ERRFI1: variants seen among roughly 807,000 people sequenced by gnomAD.
ERRFI1 encodes the protein ERBB receptor feedback inhibitor 1, also known as mitogen-inducible gene 6 protein.
Under a neutral mutation model 14.6 loss-of-function variants are expected in ERRFI1, and 12 were observed. The observed-to-expected ratio is 0.82, with a 90% CI of 0.53 to 1.33. The LOEUF (loss-of-function observed/expected upper bound fraction) is 1.33. Among genes scored for constraint, ERRFI1 ranks in the 40% most tolerant of loss-of-function variants. The probability of loss-of-function intolerance (pLI) is 0.00; values close to 1 mark genes in which losing one functional copy is unlikely to be tolerated. For missense variants in ERRFI1, 482 were observed against 572.1 expected, an observed-to-expected ratio of 0.84 and a Z score of 1.61; for synonymous variants, 202 against 209.9, an observed-to-expected ratio of 0.96 and a Z score of 0.32.
chr1:8,015,177 C>A (rs1641154964), intron 3 of ERRFI1, 131 bp downstream of exon 3: 1 of 745,852 alleles, frequency 1.3e-6, no homozygotes. Context: ...TCTGTTGCCA[C>A]TAGGGGTCAG....
At chr1:8,025,820 C>T (rs1177606144) in intron 1 of ERRFI1, among the ~76,000 whole-genome samples, 4 of 152,266 alleles carry the variant, frequency 2.6e-5, no homozygotes, top group South Asian at 4.1e-4. Context: ...CCCGGGCGCT[C>T]GGGTGCATGG....
rs769138986 is a variant in ERRFI1, at chr1:8,013,882, T to C, written c.717A>G (p.Pro239=). Residue 239 remains proline, a synonymous_variant, in exon 4 of 4, where the codon CCA becomes CCG. Coordinates refer to ENST00000377482, the MANE Select transcript of ERRFI1 (RefSeq NM_018948.4). This position sits in a 1 kb window ranked among gnomAD's most constrained non-coding sequence, Gnocchi z 4.3. ...NGGVPDPNPP[P]PQTHRRLRRS... ...TTCTTAATCTTCGGTGGGTCTGAGG[T>C]GGAGGAGGATTTGGATCTGGGACAC... is the stretch of plus-strand genomic sequence containing the variant. 3.5e-5 allele frequency: 57 copies of C among 1,613,904 alleles called. No individual in the cohort carries two copies. Among genetic ancestry groups the C allele is most frequent in the Admixed American group, 1.2e-4 (7 of 59,984 alleles).
In ERRFI1 at chr1:8,014,237, T is replaced by C; in HGVS notation, c.362A>G (p.Asn121Ser). Residue 121 changes from asparagine to serine, a missense_variant, in exon 4 of 4, where the codon AAT (asparagine) becomes AGT (serine). By Grantham distance (46) the Asn-to-Ser change is conservative (BLOSUM62 1). Coordinates refer to ENST00000377482, the MANE Select transcript of ERRFI1 (RefSeq NM_018948.4). ...TGGAGGGGTGGAAGCACAAACCCCA[T>C]TCACTGTGAGTTTCTTAAAACCACA... ...VVCGFKKLTVNGVCASTPPLT... is the reference protein window; with the variant it reads ...VVCGFKKLTVSGVCASTPPLT... The C allele has an allele frequency of 1.2e-6, 2 of 1,614,148 alleles. No individual in the cohort carries two copies. Among genetic ancestry groups the C allele is most frequent in the Non-Finnish European group, 8.5e-7 (1 of 1,180,030 alleles).
chr1:8,015,466 A>G lies in ERRFI1; in HGVS notation c.125+29T>C, dbSNP rs544401150. ...ATTTTAGTGTCACATATTTATCCAG[A>G]TTACAGCAGCATTACATCCTCTACT... On this transcript the variant is annotated intron_variant, in intron 2 of 3. Transcript: ENST00000377482. 2.5e-6 allele frequency: 4 copies of G among 1,614,124 alleles called. No homozygotes were observed. In the East Asian group the frequency reaches 8.9e-5, roughly 36 times the overall value.
At chr1:8,024,238 G>T (rs1052888118) in intron 1 of ERRFI1, among the ~76,000 whole-genome samples, 1 of 152,152 alleles carries the variant, frequency 6.6e-6, no homozygotes, top group Non-Finnish European at 1.5e-5. Flanking sequence ...CAGTCAAGAG[G>T]TATTTTCACA....
chr1:8,022,372 C>A (rs1019733937), intron 1 of ERRFI1, among the ~76,000 whole-genome samples: 3 of 152,136 alleles, frequency 2.0e-5, no homozygotes, highest in Non-Finnish European at 4.4e-5. Flanking sequence ...TTGTAAAATC[C>A]GGAATTTAAC....
At chr1:8,021,103 T>C (rs1196598689) in intron 1 of ERRFI1, among the ~76,000 whole-genome samples, 1 of 152,234 alleles carries the variant, frequency 6.6e-6, no homozygotes, top group Admixed American at 6.5e-5. Flanking sequence ...TTTGTGTCTG[T>C]GTTTGCAGCT....
chr1:8,020,859 A>G (rs1341866770), intron 1 of ERRFI1, among the ~76,000 whole-genome samples: 1 of 152,234 alleles, frequency 6.6e-6, no homozygotes, highest in Admixed American at 6.5e-5. Context: ...TTTCATTTTA[A>G]TAGCCTATGA....
At chr1:8,023,816 C>A (rs937467452) in intron 1 of ERRFI1, among the ~76,000 whole-genome samples, 1 of 152,214 alleles carries the variant, frequency 6.6e-6, no homozygotes, top group Non-Finnish European at 1.5e-5. Context: ...TTCGCCTCAT[C>A]TACCTTTACA....
At chr1:8,018,917 T>C (rs1399711256) in intron 1 of ERRFI1, among the ~76,000 whole-genome samples, 1 of 152,192 alleles carries the variant, frequency 6.6e-6, no homozygotes, top group African/African-American at 2.4e-5. Flanking sequence ...GGTGATTATC[T>C]TTCCACTTGG....
chr1:8,024,882 A>G (rs1641322681), intron 1 of ERRFI1, among the ~76,000 whole-genome samples: 1 of 152,164 alleles, frequency 6.6e-6, no homozygotes, highest in Non-Finnish European at 1.5e-5. Context: ...ATAAAATTTC[A>G]CTTAAAACTG....
In ERRFI1 at chr1:8,013,110, A is replaced by G; in HGVS notation, c.*100T>C. 9.8e-7 allele frequency: 1 copy of G among 1,020,752 alleles called. No individual in the cohort carries two copies. Among genetic ancestry groups the G allele is most frequent in the Non-Finnish European group, 1.4e-6 (1 of 698,930 alleles). 63.2% of individuals were successfully genotyped at this position (1,020,752 alleles called of 1,614,324 possible). A position where few individuals can be genotyped will look rare whatever the true frequency, so the allele number is the denominator to read the frequency against. On this transcript the variant is annotated 3_prime_UTR_variant, in exon 4 of 4. Coordinates refer to ENST00000377482, the MANE Select transcript of ERRFI1 (RefSeq NM_018948.4). This position sits in a 1 kb window ranked among gnomAD's most constrained non-coding sequence, Gnocchi z 4.3. ...TGAAGACAGAGAGTTCAACTATTTT[A>G]TTTTGCAATCTAAGGGATTTTTCTC...
Position 8,015,117 on chromosome 1 carries a change from T to C in ERRFI1, c.202+191A>G, listed in dbSNP as rs1641154280. On this transcript the variant is annotated intron_variant, in intron 3 of 3. Transcript: ENST00000377482. ...CTACTTAGCAATCAGTGACTCAGAA[T>C]GAAGGCAGTCGAGTACAATAGCTTG... 3 of 580,580 alleles carry C rather than the reference T, an allele frequency of 5.2e-6. No homozygotes were observed. The South Asian group carries it at 6.2e-5, about 12-fold the overall frequency. 36.0% of individuals were successfully genotyped at this position (580,580 alleles called of 1,614,324 possible).
chr1:8,021,489 A>G (rs1180730913), intron 1 of ERRFI1, among the ~76,000 whole-genome samples: 1 of 152,232 alleles, frequency 6.6e-6, no homozygotes, highest in African/African-American at 2.4e-5. Context: ...TTTTTGACAT[A>G]TAACAATAGA....
chr1:8,024,442 G>A (rs946814798), intron 1 of ERRFI1, among the ~76,000 whole-genome samples: 2 of 152,200 alleles, frequency 1.3e-5, no homozygotes, highest in Non-Finnish European at 2.9e-5. Context: ...CAATCCTGCT[G>A]AGCCTTAAAA....
chr1:8,012,292 C>A lies in ERRFI1; in HGVS notation c.*918G>T, dbSNP rs1641096554. The stretch of plus-strand genomic sequence containing the variant: ...AAAAAAGCAAAACCACAACACACAT[C>A]CCCAAACAATAACTCTCAATCACAT... On this transcript the variant is annotated 3_prime_UTR_variant, in exon 4 of 4. Transcript: ENST00000377482. 4.3e-6 allele frequency: 1 copy of A among 231,066 alleles called. No homozygotes were observed. The highest frequency in any genetic ancestry group is 2.2e-5 in the African/African-American group (1 of 45,284). The allele number at this position is 231,066 out of a possible 1,614,324, so 14.3% of individuals were successfully genotyped here.
chr1:8,015,493 A>C lies in ERRFI1; in HGVS notation c.125+2T>G, dbSNP rs1227432463. The C allele has an allele frequency of 1.9e-6, 3 of 1,614,112 alleles. No individual in the cohort carries two copies. The highest frequency in any genetic ancestry group is 1.7e-6 in the Non-Finnish European group (2 of 1,179,960). On this transcript the variant is annotated splice_donor_variant, in intron 2 of 3. Coordinates refer to ENST00000377482, the MANE Select transcript of ERRFI1 (RefSeq NM_018948.4). LOFTEE classifies it high-confidence loss of function. ...TACAGCAGCATTACATCCTCTACTT[A>C]CTTTTTAAACTCACTGCGACTGCTC... is the stretch of plus-strand genomic sequence containing the variant.
chr1:8,018,001 A>T (rs3753496), intron 1 of ERRFI1, among the ~76,000 whole-genome samples: 20,295 of 152,092 alleles, frequency 0.13, 1,463 homozygotes, highest in South Asian at 0.23. Flanking sequence ...TAAGAAAAAA[A>T]TTTTTTTAGT....
intron 3 of ERRFI1, 60 bp downstream of exon 3, chr1:8,015,248 A>C: frequency 6.7e-7 from 1 of 1,482,564 alleles, no homozygotes; most frequent in Non-Finnish European, 9.4e-7. Context: ...GGACAAGCTA[A>C]CCCGAATCCA....
Sources: gnomAD v4.1 joint callset for allele counts (sites outside exome capture counted in the v4.1 genomes callset) on GRCh38, gnomAD v4.1.1 for gene constraint, Gnocchi (gnomAD v3.1) non-coding constraint, MANE v1.5 for transcripts, NCBI Gene and HGNC (gene_info 2026-07-23, HGNC 2026-07-21) for gene names.